Variants in SDK1 observed in about 807,000 individuals in gnomAD.
SDK1 encodes protein sidekick-1.
A neutral mutation model predicts 245.5 loss-of-function variants in SDK1; 157 were observed. The ratio of observed to expected loss-of-function variants is 0.64; its 90% CI spans 0.56 to 0.73. The LOEUF (loss-of-function observed/expected upper bound fraction) is 0.73, where lower values mean the gene tolerates loss of function less well. Ranked by LOEUF, SDK1 falls within the 30% of genes least tolerant of loss-of-function variation. SDK1 has a pLI of 0.00. For synonymous variants in SDK1, 1,647 were observed against 1,278.5 expected (o/e 1.29, Z -6.15); for missense variants, 3,583 against 3,002.3 (o/e 1.19, Z -4.52).
intron 1 of SDK1, among the ~76,000 whole-genome samples, chr7:3,492,348 G>A (rs184334060): frequency 4.6e-5 from 7 of 152,264 alleles, no homozygotes; most frequent in Non-Finnish European, 8.8e-5. Flanking sequence ...GAAAAAATTA[G>A]CCAGGCATGG....
At chr7:4,099,761 G>C (rs1005665625) in intron 22 of SDK1, among the ~76,000 whole-genome samples, 6 of 150,340 alleles carry the variant, frequency 4.0e-5, no homozygotes, top group African/African-American at 1.5e-4. Flanking sequence ...GCGTGTGTGA[G>C]CGGGATGTGA....
chr7:4,011,183 A>C, intron 15 of SDK1, 70 bp downstream of exon 15: 1 of 1,554,914 alleles, frequency 6.4e-7, no homozygotes, highest in South Asian at 1.2e-5. Context: ...GAAGCATCAC[A>C]TTATGTGGTG....
At chr7:3,310,546 C>T (rs775863608) in intron 1 of SDK1, among the ~76,000 whole-genome samples, 2 of 152,136 alleles carry the variant, frequency 1.3e-5, no homozygotes, top group Admixed American at 6.6e-5. Context: ...AAGGTGACGT[C>T]CAGGTTTCTG....
rs768739210 is a variant in SDK1, at chr7:3,951,848, T to C, written c.1078T>C (p.Tyr360His). Residue 360 changes from tyrosine (Y) to histidine (H), a missense_variant, in exon 7 of 45, where the codon TAC becomes CAC. By Grantham distance (83) the Tyr-to-His change is moderately conservative. Transcript: ENST00000404826. Reference protein sequence around the residue: ...SNPTSADTGPYVCEAALPGSA... With the variant: ...SNPTSADTGPHVCEAALPGSA... ...CCCGACGTCCGCGGACACCGGGCCA[T>C]ACGTCTGCGAGGCGGCGCTGCCGGG... The C allele has an allele frequency of 3.1e-5, 50 of 1,613,706 alleles. No homozygotes were observed. Among genetic ancestry groups the C allele is most frequent in the Non-Finnish European group, 4.0e-5 (47 of 1,180,024 alleles).
chr7:3,851,950 T>G lies in SDK1; in HGVS notation c.847+30367T>G, dbSNP rs975603501. ...GTGTGCTTAATAGGAAAAATGTGTT[T>G]GAAGTATGTTTTACACTATTTAATG... is the stretch of plus-strand genomic sequence containing the variant. On this transcript the variant is annotated intron_variant, in intron 5 of 44. Coordinates refer to ENST00000404826, the MANE Select transcript of SDK1 (RefSeq NM_152744.4). 3.9e-5 allele frequency among the ~76,000 whole-genome samples: 6 copies of G among 152,240 alleles called. No homozygotes were observed. The East Asian group carries it at 1.2e-3, about 29-fold the overall frequency.
intron 1 of SDK1, among the ~76,000 whole-genome samples, chr7:3,615,915 C>T (rs534496738): frequency 6.0e-4 from 90 of 151,064 alleles, no homozygotes; most frequent in African/African-American, 2.1e-3. Context: ...CTTGGTCTGT[C>T]ACCCACACTG....
At chr7:3,895,433 A>G (rs1422028248) in intron 5 of SDK1, among the ~76,000 whole-genome samples, 1 of 152,186 alleles carries the variant, frequency 6.6e-6, no homozygotes, top group Non-Finnish European at 1.5e-5. Context: ...TAGGGCTTCC[A>G]AGGATGTTTT....
chr7:3,469,670 G>A (rs1479320388), intron 1 of SDK1, among the ~76,000 whole-genome samples: 1 of 152,148 alleles, frequency 6.6e-6, no homozygotes, highest in Non-Finnish European at 1.5e-5. Flanking sequence ...CTAACGTCTA[G>A]TTACTTAAGG....
Position 4,206,012 on chromosome 7 carries a change from G to A in SDK1, c.5214+18G>A, listed in dbSNP as rs199934086. The A allele has an allele frequency of 4.4e-4, 649 of 1,486,018 alleles. No homozygotes were observed. The highest frequency in any genetic ancestry group is 5.2e-4 in the Non-Finnish European group (571 of 1,102,738). The allele number at this position is 1,486,018 out of a possible 1,614,324, so 92.1% of individuals were successfully genotyped here. A position where few individuals can be genotyped will look rare whatever the true frequency, so the allele number is the denominator to read the frequency against. On this transcript the variant is annotated intron_variant, in intron 36 of 44. Coordinates refer to ENST00000404826, the MANE Select transcript of SDK1 (RefSeq NM_152744.4). Reference sequence around the variant, plus strand: ...GCTACAAGGCAAGGCCCTCCCGTGCGGTTGCCTCCCCTGGCTCGCTTGGGC... The same window carrying A: ...GCTACAAGGCAAGGCCCTCCCGTGCAGTTGCCTCCCCTGGCTCGCTTGGGC...
intron 1 of SDK1, among the ~76,000 whole-genome samples, chr7:3,597,476 G>C (rs548066832): frequency 1.4e-4 from 21 of 152,230 alleles, no homozygotes; most frequent in African/African-American, 4.8e-4. Context: ...ACAGGACACA[G>C]AACACCGGCG....
At chr7:3,381,628 G>A (rs142445297) in intron 1 of SDK1, among the ~76,000 whole-genome samples, 2 of 152,258 alleles carry the variant, frequency 1.3e-5, no homozygotes, top group African/African-American at 4.8e-5. Context: ...CGTTTGAGAA[G>A]GATCCTAGAA....
rs374325727 is a variant in SDK1, at chr7:3,969,405, G to A, written c.1695G>A (p.Ser565=). 6.2e-7 allele frequency: 1 copy of A among 1,601,296 alleles called. No homozygotes were observed. The highest frequency in any genetic ancestry group is 1.1e-5 in the South Asian group (1 of 87,946). Residue 565 remains serine (S), a synonymous_variant, in exon 11 of 45, where the codon TCG becomes TCA. Transcript: ENST00000404826. ...AANTEGSLNA[S]ATLTVWNRTS... is the part of the protein sequence containing the mutation. ...ACACAGAGGGCTCCCTGAATGCATCGGCCACGCTCACTGTGTGGAGTAAGG... is the reference window on the plus strand; with the variant it reads ...ACACAGAGGGCTCCCTGAATGCATCAGCCACGCTCACTGTGTGGAGTAAGG...
intron 14 of SDK1, 28 bp from the exon 15 acceptor site, chr7:4,010,938 C>T (rs550584605): frequency 1.2e-6 from 2 of 1,613,034 alleles, no homozygotes; most frequent in African/African-American, 2.7e-5. Context: ...AGCCTGTGGG[C>T]TTGAATTCGT....
At chr7:3,665,327 C>T (rs57515074) in intron 4 of SDK1, among the ~76,000 whole-genome samples, 55,282 of 152,056 alleles carry the variant, frequency 0.36, 11,086 homozygotes, top group African/African-American at 0.53. Flanking sequence ...TGAGCAGATT[C>T]TGCAGGTTGT....
intron 32 of SDK1, among the ~76,000 whole-genome samples, chr7:4,163,229 C>T (rs1349615548): frequency 6.6e-6 from 1 of 152,020 alleles, no homozygotes; most frequent in South Asian, 2.1e-4. Context: ...CCTGGGAGTG[C>T]CTGCTGGGAG....
chr7:3,863,706 G>T (rs1237993898), intron 5 of SDK1, among the ~76,000 whole-genome samples: 1 of 152,160 alleles, frequency 6.6e-6, no homozygotes, highest in Non-Finnish European at 1.5e-5. Context: ...TTTATGACTG[G>T]CTTCTTTCAC....
At chr7:3,321,549 T>C (rs1270318299) in intron 1 of SDK1, among the ~76,000 whole-genome samples, 17 of 152,208 alleles carry the variant, frequency 1.1e-4, no homozygotes, top group Admixed American at 1.1e-3. Context: ...AGTTGTGTTT[T>C]TTTCCCCAAC....
At chr7:3,873,424 GTGTTT>G (rs906021762) in intron 5 of SDK1, among the ~76,000 whole-genome samples, 33 of 152,102 alleles carry the variant, frequency 2.2e-4, no homozygotes, top group Middle Eastern at 3.4e-3. Context: ...TGTAGAGTTT[GTGTTT>G]TGTTTTGTTT....
chr7:3,683,920 C>T (rs1417152145), intron 4 of SDK1, among the ~76,000 whole-genome samples: 4 of 152,210 alleles, frequency 2.6e-5, no homozygotes, highest in Non-Finnish European at 5.9e-5. Context: ...ATGTGTTGGC[C>T]ACTCCTGTCC....
Sources: allele counts gnomAD v4.1 joint callset (sites outside exome capture counted in the v4.1 genomes callset), GRCh38; gene constraint gnomAD v4.1.1; transcripts MANE v1.5; gene names NCBI Gene and HGNC (gene_info 2026-07-23, HGNC 2026-07-21).